The following ZFPM2 variants were observed in gnomAD, a reference collection of about 807,000 sequenced individuals.
The protein encoded by ZFPM2 is zinc finger protein, FOG family member 2.
ZFPM2 carries 20 observed loss-of-function variants against 98.6 expected under a neutral mutation model. The observed-to-expected ratio is 0.20, with a 90% CI of 0.14 to 0.29. The LOEUF is 0.29. ZFPM2 is among the 10% of genes least tolerant of loss of function. The pLI is 1.00. For missense variants in ZFPM2, 1,310 were observed against 1,388.6 expected, an observed-to-expected ratio of 0.94 and a Z score of 0.90; for synonymous variants, 518 against 502.7, an observed-to-expected ratio of 1.03 and a Z score of -0.41.
At chr8:105,562,314 T>TAATAAATAAATAAATAAATA (rs35570669) in intron 4 of ZFPM2, among the ~76,000 whole-genome samples, 1 of 147,718 alleles carries the variant, frequency 6.8e-6, no homozygotes, top group Admixed American at 6.8e-5. Context: ...CATCTCAAAA[T>TAATAAATAAATAAATAAATA]AATAAATAAA....
chr8:105,725,996 G>A (rs1811799742), intron 5 of ZFPM2, among the ~76,000 whole-genome samples: 1 of 151,656 alleles, frequency 6.6e-6, no homozygotes, highest in Non-Finnish European at 1.5e-5. Context: ...TACAGACCTT[G>A]TGGAAGCAGT....
intron 5 of ZFPM2, chr8:105,678,997 G>A (rs943463210): frequency 6.6e-6 from 1 of 151,118 alleles, no homozygotes; most frequent in African/African-American, 2.5e-5. Flanking sequence ...TTGCTAGCCT[G>A]TGTGACCTTA....
intron 3 of ZFPM2, among the ~76,000 whole-genome samples, chr8:105,538,541 G>A (rs1272654105): frequency 6.6e-6 from 1 of 151,992 alleles, no homozygotes. Context: ...TTAAATTGTT[G>A]TGTTGTCTGT....
intron 5 of ZFPM2, among the ~76,000 whole-genome samples, chr8:105,758,298 G>C (rs1812652911): frequency 6.6e-6 from 1 of 152,070 alleles, no homozygotes; most frequent in Non-Finnish European, 1.5e-5. Context: ...TGTCACTGCA[G>C]TTCTGAAAAT....
intron 5 of ZFPM2, among the ~76,000 whole-genome samples, chr8:105,727,772 A>C (rs1030595640): frequency 3.3e-5 from 5 of 151,684 alleles, no homozygotes; most frequent in Admixed American, 6.6e-5. Context: ...TATGCCAACC[A>C]TGTGCTGGGG....
In ZFPM2 at chr8:105,518,425, T is replaced by TA. The variant is rs148206871; in HGVS notation, c.302-42934dup. Among the ~76,000 whole-genome samples, 1,059 of 152,348 alleles carry TA rather than the reference T, an allele frequency of 7.0e-3. 10 individuals carry two copies. The highest frequency in any genetic ancestry group is 0.024 in the African/African-American group (983 of 41,570). Reference sequence around the variant, plus strand: ...AGTTTAATTTCACTTGTAGATTTGATAAAATGCTTACTCTCTGTTGATTTA... The same window carrying TA: ...AGTTTAATTTCACTTGTAGATTTGATAAAAATGCTTACTCTCTGTTGATTTA... On this transcript the variant is annotated intron_variant, in intron 3 of 7. Coordinates refer to ENST00000407775, the MANE Select transcript of ZFPM2 (RefSeq NM_012082.4).
Position 105,467,021 on chromosome 8 carries a change from C to T in ZFPM2, c.301+22640C>T, listed in dbSNP as rs947509475. 8.6e-5 allele frequency among the ~76,000 whole-genome samples: 13 copies of T among 152,030 alleles called. No homozygotes were observed. The East Asian group carries it at 2.5e-3, about 29-fold the overall frequency. ...TTCCTCATGGAAATGATGCCTACCTCCTGTATCTCTTGTGAGCATTAAACA... is the reference window on the plus strand; with the variant it reads ...TTCCTCATGGAAATGATGCCTACCTTCTGTATCTCTTGTGAGCATTAAACA... On this transcript the variant is annotated intron_variant, in intron 3 of 7. Transcript: ENST00000407775.
chr8:105,772,292 C>CA (rs910757139), intron 5 of ZFPM2, among the ~76,000 whole-genome samples: 21 of 152,040 alleles, frequency 1.4e-4, no homozygotes, highest in African/African-American at 4.8e-4. Context: ...CAGTCCGTGA[C>CA]AAAATCACAG....
chr8:105,779,032 G>A (rs1045147332), intron 5 of ZFPM2, among the ~76,000 whole-genome samples: 5 of 151,824 alleles, frequency 3.3e-5, no homozygotes, highest in African/African-American at 1.2e-4. Context: ...ACTTAATGGC[G>A]ATGCTATGCA....
chr8:105,514,818 G>A (rs1428815090), intron 3 of ZFPM2, among the ~76,000 whole-genome samples: 1 of 152,122 alleles, frequency 6.6e-6, no homozygotes, highest in Non-Finnish European at 1.5e-5. Flanking sequence ...TTTTTCACTA[G>A]ACTCAAAGCT....
At chr8:105,719,410 C>T (rs537215790) in intron 5 of ZFPM2, among the ~76,000 whole-genome samples, 5 of 151,916 alleles carry the variant, frequency 3.3e-5, no homozygotes, top group African/African-American at 7.2e-5. Context: ...AAAACAAAAG[C>T]GTCATTATAA....
intron 3 of ZFPM2, among the ~76,000 whole-genome samples, chr8:105,488,294 G>C (rs1219845864): frequency 6.6e-6 from 1 of 152,156 alleles, no homozygotes; most frequent in Non-Finnish European, 1.5e-5. Flanking sequence ...TCCAGAATTA[G>C]GAAGAATCTA....
intron 6 of ZFPM2, among the ~76,000 whole-genome samples, chr8:105,791,268 A>G (rs1276065800): frequency 1.3e-3 from 196 of 152,216 alleles, no homozygotes; most frequent in African/African-American, 4.6e-3. Context: ...ACGTCCCATC[A>G]ATACCTAATT....
intron 5 of ZFPM2, among the ~76,000 whole-genome samples, chr8:105,662,188 C>T (rs551782717): frequency 2.6e-5 from 4 of 152,098 alleles, no homozygotes; most frequent in Non-Finnish European, 5.9e-5. Flanking sequence ...CATACACCCA[C>T]TGATGCAGGA....
intron 5 of ZFPM2, among the ~76,000 whole-genome samples, chr8:105,764,738 T>G (rs1447353032): frequency 6.6e-6 from 1 of 151,914 alleles, no homozygotes; most frequent in Non-Finnish European, 1.5e-5. Flanking sequence ...CAGGGTAATT[T>G]TATACAATTT....
intron 3 of ZFPM2, among the ~76,000 whole-genome samples, chr8:105,461,490 ATCAT>A (rs1392493905): frequency 2.0e-5 from 3 of 152,168 alleles, no homozygotes; most frequent in African/African-American, 7.2e-5. Flanking sequence ...GAAATTCTAA[ATCAT>A]TCAAATAAAA....
At chr8:105,671,283 A>C (rs912086659) in intron 5 of ZFPM2, among the ~76,000 whole-genome samples, 1 of 151,946 alleles carries the variant, frequency 6.6e-6, no homozygotes. Context: ...AACCTTCAAT[A>C]TTTAAGTAGG....
intron 5 of ZFPM2, among the ~76,000 whole-genome samples, chr8:105,783,181 G>A (rs1445603406): frequency 6.7e-6 from 1 of 148,596 alleles, no homozygotes; most frequent in Non-Finnish European, 1.5e-5. Context: ...AGTCGAGAAG[G>A]AAGATCTTAT....
intron 5 of ZFPM2, among the ~76,000 whole-genome samples, chr8:105,680,609 A>G (rs1810578916): frequency 6.6e-6 from 1 of 152,106 alleles, no homozygotes; most frequent in Non-Finnish European, 1.5e-5. Context: ...TTTGTATGTG[A>G]TAAAAGAAAA....
Sources: allele counts gnomAD v4.1 joint callset (sites outside exome capture counted in the v4.1 genomes callset), GRCh38; gene constraint gnomAD v4.1.1; transcripts MANE v1.5; gene names NCBI Gene and HGNC (gene_info 2026-07-23, HGNC 2026-07-21).